Variants in SLC24A3 observed in about 807,000 individuals in gnomAD.
SLC24A3 encodes the protein solute carrier family 24 member 3.
A neutral mutation model predicts 75.8 loss-of-function variants in SLC24A3; 28 were observed. The ratio of observed to expected loss-of-function variants is 0.37; its 90% CI spans 0.27 to 0.51. The LOEUF (loss-of-function observed/expected upper bound fraction) is 0.51. SLC24A3 is among the 20% of genes least tolerant of loss of function. The pLI is 0.94. For missense variants in SLC24A3, 663 were observed against 847.8 expected, an observed-to-expected ratio of 0.78 and a Z score of 2.71; for synonymous variants, 372 against 334.1, an observed-to-expected ratio of 1.11 and a Z score of -1.24.
intron 1 of SLC24A3, among the ~76,000 whole-genome samples, chr20:19,246,705 T>C (rs760184232): frequency 1.3e-5 from 2 of 152,196 alleles, no homozygotes; most frequent in African/African-American, 2.4e-5. Context: ...ATTATTTCAA[T>C]AGGTGCAGAA....
At chr20:19,434,528 T>C (rs540400325) in intron 2 of SLC24A3, among the ~76,000 whole-genome samples, 1 of 152,182 alleles carries the variant, frequency 6.6e-6, no homozygotes, top group East Asian at 1.9e-4. Flanking sequence ...CATTGGTGCA[T>C]TGGTGACAAA....
At chr20:19,515,415 C>G in intron 2 of SLC24A3, 73 bp from the exon 3 acceptor site, 1 of 1,434,042 alleles carries the variant, frequency 7.0e-7, no homozygotes, top group Non-Finnish European at 9.8e-7. Flanking sequence ...ATGTTAAAAC[C>G]AAGACTCCCA....
chr20:19,442,279 C>G (rs1024441431), intron 2 of SLC24A3, among the ~76,000 whole-genome samples: 1 of 152,166 alleles, frequency 6.6e-6, no homozygotes, highest in South Asian at 2.1e-4. Flanking sequence ...TTGTAATAAT[C>G]TGCTAAGCTA....
chr20:19,606,297 G>C (rs1041509175), intron 6 of SLC24A3, among the ~76,000 whole-genome samples: 5 of 152,222 alleles, frequency 3.3e-5, no homozygotes, highest in African/African-American at 1.2e-4. Context: ...ATATGGGGAA[G>C]GATGACATAT....
intron 6 of SLC24A3, among the ~76,000 whole-genome samples, chr20:19,621,618 T>G (rs576510480): frequency 3.9e-5 from 6 of 152,176 alleles, no homozygotes; most frequent in African/African-American, 1.4e-4. Flanking sequence ...CATTTTATCA[T>G]GCACATGGAT....
At chr20:19,306,755 A>G (rs6136676) in intron 2 of SLC24A3, among the ~76,000 whole-genome samples, 23,666 of 152,108 alleles carry the variant, frequency 0.16, 4,503 homozygotes, top group African/African-American at 0.43. Context: ...CAGTTACTCT[A>G]TTCACTACCT....
chr20:19,408,995 T>TA (rs142848783), intron 2 of SLC24A3, among the ~76,000 whole-genome samples: 4 of 152,242 alleles, frequency 2.6e-5, no homozygotes, highest in Non-Finnish European at 5.9e-5. Flanking sequence ...ACATGAGAAA[T>TA]AGTTTGGCTA....
At chr20:19,470,189 C>G (rs567739602) in intron 2 of SLC24A3, among the ~76,000 whole-genome samples, 1 of 152,216 alleles carries the variant, frequency 6.6e-6, no homozygotes, top group Non-Finnish European at 1.5e-5. Context: ...CCCAAATGTT[C>G]GTGCAAATAT....
In SLC24A3 at chr20:19,486,076, T is replaced by C. The variant is rs969608607; in HGVS notation, c.272-29412T>C. On this transcript the variant is annotated intron_variant, in intron 2 of 16. Coordinates refer to ENST00000328041, the MANE Select transcript of SLC24A3 (RefSeq NM_020689.4). ...GAGGGTAGGTGGAGGGAATTTCAGC[T>C]CCATCTCATGGCCCTGGCTCAGGTT... Among the ~76,000 whole-genome samples the C allele has an allele frequency of 5.9e-5, 9 of 152,106 alleles. 1 individual carries two copies. Among genetic ancestry groups the C allele is most frequent in the Admixed American group, 1.3e-4 (2 of 15,272 alleles).
At chr20:19,368,606 G>A (rs1228725231) in intron 2 of SLC24A3, among the ~76,000 whole-genome samples, 2 of 152,298 alleles carry the variant, frequency 1.3e-5, no homozygotes, top group African/African-American at 4.8e-5. Context: ...TGCTCAGGGG[G>A]CACCACCCCC....
At chr20:19,328,169 G>A (rs1251282245) in intron 2 of SLC24A3, among the ~76,000 whole-genome samples, 1 of 152,082 alleles carries the variant, frequency 6.6e-6, no homozygotes, top group Non-Finnish European at 1.5e-5. Context: ...AGCACGCTTG[G>A]TGTGTCCAGA....
chr20:19,257,070 A>T (rs1175534170), intron 1 of SLC24A3, among the ~76,000 whole-genome samples: 3 of 152,174 alleles, frequency 2.0e-5, no homozygotes, highest in Admixed American at 6.5e-5. Context: ...CTAGGTTTGG[A>T]CTTCTGATGA....
chr20:19,399,231 G>A (rs912636474), intron 2 of SLC24A3, among the ~76,000 whole-genome samples: 4 of 151,726 alleles, frequency 2.6e-5, no homozygotes, highest in African/African-American at 7.3e-5. Context: ...TGTTTTCTTT[G>A]TTTGTTTATT....
intron 2 of SLC24A3, among the ~76,000 whole-genome samples, chr20:19,504,152 C>A (rs564518366): frequency 8.9e-4 from 135 of 152,244 alleles, no homozygotes; most frequent in African/African-American, 3.1e-3. Context: ...ATGAATGAGA[C>A]TAATTTTCTA....
chr20:19,510,194 C>G (rs1988516369), intron 2 of SLC24A3, among the ~76,000 whole-genome samples: 1 of 152,118 alleles, frequency 6.6e-6, no homozygotes, highest in African/African-American at 2.4e-5. Flanking sequence ...CAACAAATGC[C>G]CTTTGCAAAT....
intron 6 of SLC24A3, among the ~76,000 whole-genome samples, chr20:19,624,916 C>T (rs959365458): frequency 3.9e-5 from 6 of 152,128 alleles, no homozygotes; most frequent in East Asian, 1.9e-4. Flanking sequence ...TTATATAGCT[C>T]ATAATTTTTC....
chr20:19,599,660 C>T (rs956560358), intron 6 of SLC24A3, among the ~76,000 whole-genome samples: 11 of 152,250 alleles, frequency 7.2e-5, no homozygotes, highest in Admixed American at 2.6e-4. Context: ...TATGCATGCC[C>T]TCATTATGGA....
At chr20:19,299,903 C>T (rs1984155699) in intron 2 of SLC24A3, among the ~76,000 whole-genome samples, 1 of 152,162 alleles carries the variant, frequency 6.6e-6, no homozygotes, top group South Asian at 2.1e-4. Flanking sequence ...TTGAAAGTGA[C>T]TCAATATGTT....
intron 3 of SLC24A3, among the ~76,000 whole-genome samples, chr20:19,543,801 C>G (rs1342394867): frequency 1.3e-5 from 2 of 152,158 alleles, no homozygotes; most frequent in Non-Finnish European, 2.9e-5. Flanking sequence ...AAAAGGATAG[C>G]AAAACTCTGA....
Sources: allele counts gnomAD v4.1 joint callset (sites outside exome capture counted in the v4.1 genomes callset), GRCh38; gene constraint gnomAD v4.1.1; transcripts MANE v1.5; gene names NCBI Gene and HGNC (gene_info 2026-07-23, HGNC 2026-07-21).